Variants in ZNF444 observed in about 807,000 individuals in gnomAD.
The protein encoded by ZNF444 is zinc finger protein 444.
ZNF444 carries 8 observed loss-of-function variants against 14.4 expected under a neutral mutation model. The ratio of observed to expected loss-of-function variants is 0.56; its 90% CI spans 0.33 to 1.00. ZNF444 has a LOEUF of 1.00. ZNF444 is among the 50% of genes least tolerant of loss of function. The pLI, the probability that ZNF444 is intolerant of heterozygous loss-of-function variation, is 0.03. For synonymous variants in ZNF444, 258 were observed against 235.9 expected (o/e 1.09, Z -0.86); for missense variants, 510 against 504.8 (o/e 1.01, Z -0.10).
chr19:56,159,779 T>C lies in ZNF444; in HGVS notation c.562T>C (p.Ser188Pro). 2 of 1,594,776 alleles carry C rather than the reference T, an allele frequency of 1.3e-6. No individual in the cohort carries two copies. The highest frequency in any genetic ancestry group is 1.1e-5 in the South Asian group (1 of 88,916). Reference protein sequence around the residue: ...TTSCPECGKTSLKPAHLLRHR... With the variant: ...TTSCPECGKTPLKPAHLLRHR... Reference sequence around the variant, plus strand: ...GTCCTGCCCCGAGTGCGGCAAAACGTCCCTGAAACCAGCTCACCTGCTGCG... The same window carrying C: ...GTCCTGCCCCGAGTGCGGCAAAACGCCCCTGAAACCAGCTCACCTGCTGCG... The change falls in exon 5 of 5, where the codon TCC becomes CCC. Residue 188 changes from serine to proline, a missense_variant. Coordinates refer to ENST00000337080, the MANE Select transcript of ZNF444 (RefSeq NM_018337.4).
At chr19:56,150,672 G>T (rs1356686632) in intron 3 of ZNF444, among the ~76,000 whole-genome samples, 1 of 152,270 alleles carries the variant, frequency 6.6e-6, no homozygotes, top group East Asian at 1.9e-4. Context: ...TAAAAGTAAA[G>T]AAGAGTAATA....
At chr19:56,159,442 C>G (rs2123569967) in intron 4 of ZNF444, among the ~76,000 whole-genome samples, 182 bp from the exon 5 acceptor site, 1 of 152,298 alleles carries the variant, frequency 6.6e-6, no homozygotes, top group African/African-American at 2.4e-5. Flanking sequence ...TGGGCATTGA[C>G]TGTATGCCAG....
At chr19:56,135,486 AG>A (rs2030589645) in intron 1 of ZNF444, among the ~76,000 whole-genome samples, 2 of 152,054 alleles carry the variant, frequency 1.3e-5, no homozygotes, top group Admixed American at 6.6e-5. Flanking sequence ...CATGCCATGA[AG>A]GATCCAGGTT....
At position 56,133,570 on chromosome 19, in the gene ZNF444, C is replaced by T. The variant is rs571360739; in HGVS notation, c.-197+792C>T. On this transcript the variant is annotated intron_variant, in intron 1 of 2. Transcript: ENST00000587467. ...GCTCACGCCTGTAATCCCAGCACTTCGGGAGGCCGAGATGGGTGGATCACA... is the reference window on the plus strand; with the variant it reads ...GCTCACGCCTGTAATCCCAGCACTTTGGGAGGCCGAGATGGGTGGATCACA... Among the ~76,000 whole-genome samples the T allele has an allele frequency of 8.0e-4, 121 of 151,298 alleles. 1 individual carries two copies. The highest frequency in any genetic ancestry group is 1.4e-3 in the Non-Finnish European group (92 of 67,928).
At chr19:56,146,522 C>G (rs2031190801) in intron 2 of ZNF444, 102 bp downstream of exon 2, 1 of 168,332 alleles carries the variant, frequency 5.9e-6, no homozygotes, top group Non-Finnish European at 1.3e-5. Context: ...GGTGCAGTGG[C>G]TCACGCCTGT....
In ZNF444 at chr19:56,158,540, A is replaced by G. The variant is rs2032048681; in HGVS notation, c.344A>G (p.Gln115Arg). 1.2e-6 allele frequency: 2 copies of G among 1,612,102 alleles called. No homozygotes were observed. The highest frequency in any genetic ancestry group is 4.5e-5 in the East Asian group (2 of 44,610). ...PDGSSATRVP[Q>R]DVTQGPGATG... ...GGGTCGTCAGCAACGAGGGTGCCTC[A>G]GGATGTGACGCAGGGCCCTGGGGCC... The change falls in exon 4 of 5, where the codon CAG (glutamine) becomes CGG (arginine). Residue 115 changes from glutamine to arginine, a missense_variant. Physicochemically the swap from Gln to Arg is conservative, Grantham distance 43 (BLOSUM62 1). Coordinates refer to ENST00000337080, the MANE Select transcript of ZNF444 (RefSeq NM_018337.4).
chr19:56,153,375 C>A (rs573783315), intron 3 of ZNF444, among the ~76,000 whole-genome samples: 93 of 152,258 alleles, frequency 6.1e-4, no homozygotes, highest in African/African-American at 2.2e-3. Context: ...TGATGTGTCC[C>A]TGGAGCTCAG....
upstream of ZNF444, among the ~76,000 whole-genome samples, chr19:56,137,021 A>G (rs1325808815): frequency 1.3e-5 from 2 of 150,924 alleles, no homozygotes; most frequent in Non-Finnish European, 3.0e-5. Flanking sequence ...GACCTCAGGT[A>G]ATCCACCTGC....
At chr19:56,137,649 C>T (rs1407561014), upstream of ZNF444, among the ~76,000 whole-genome samples, 5 of 152,106 alleles carry the variant, frequency 3.3e-5, no homozygotes, top group East Asian at 1.9e-4. Flanking sequence ...CTGTGTGCCC[C>T]GGCTCAGTTC....
At chr19:56,140,735 T>C (rs1002712129), upstream of ZNF444, among the ~76,000 whole-genome samples, 2 of 151,924 alleles carry the variant, frequency 1.3e-5, no homozygotes, top group Non-Finnish European at 2.9e-5. Context: ...CACTCCTGAT[T>C]GGCGCAGAAC....
chr19:56,138,791 A>AATT (rs2030668753), upstream of ZNF444, among the ~76,000 whole-genome samples: 3 of 35,458 alleles, frequency 8.5e-5, no homozygotes, highest in Non-Finnish European at 1.6e-4. Flanking sequence ...GCTTGAATGT[A>AATT]CTTTTTTTTT....
chr19:56,139,647 C>T (rs999618747), upstream of ZNF444, among the ~76,000 whole-genome samples: 1 of 151,030 alleles, frequency 6.6e-6, no homozygotes, highest in Non-Finnish European at 1.5e-5. Context: ...GATCGCACCA[C>T]TGCACTCCAG....
chr19:56,150,371 C>T (rs2031500805), intron 3 of ZNF444: 1 of 268,438 alleles, frequency 3.7e-6, no homozygotes, highest in South Asian at 3.9e-5. Flanking sequence ...GGGAAATCAC[C>T]AGGCTCCAGG....
chr19:56,148,434 A>C (rs2031344498), intron 3 of ZNF444, among the ~76,000 whole-genome samples: 1 of 151,876 alleles, frequency 6.6e-6, no homozygotes, highest in Admixed American at 6.6e-5. Flanking sequence ...GTAGCAGCAG[A>C]GAGGGGGCAT....
chr19:56,140,781 T>C (rs986948004), upstream of ZNF444, among the ~76,000 whole-genome samples: 2 of 152,108 alleles, frequency 1.3e-5, no homozygotes, highest in Non-Finnish European at 2.9e-5. Context: ...CCTCTTCGCT[T>C]GCCAGCTTCT....
upstream of ZNF444, among the ~76,000 whole-genome samples, chr19:56,139,960 T>C (rs1023426601): frequency 6.6e-6 from 1 of 152,090 alleles, no homozygotes; most frequent in Non-Finnish European, 1.5e-5. Flanking sequence ...CAGCGTGCTC[T>C]AGGAGCAGAA....
At chr19:56,138,572 A>C (rs1358971195), upstream of ZNF444, among the ~76,000 whole-genome samples, 1 of 152,148 alleles carries the variant, frequency 6.6e-6, no homozygotes, top group Admixed American at 6.6e-5. Flanking sequence ...AGCAGAAGTC[A>C]CAGTGAGCCA....
In ZNF444 at chr19:56,147,319, C is replaced by G; in HGVS notation, c.297+111C>G. ...AACCCCTGAAAACCAGTGTGACTCG[C>G]GGTGGGGAGGCTGCGGTACAGGCTG... On this transcript the variant is annotated intron_variant, in intron 3 of 4. Coordinates refer to ENST00000337080, the MANE Select transcript of ZNF444 (RefSeq NM_018337.4). This position sits in a 1 kb window ranked among gnomAD's most constrained non-coding sequence, Gnocchi z 5.9. 8.0e-7 allele frequency: 1 copy of G among 1,253,224 alleles called. No homozygotes were observed. The highest frequency in any genetic ancestry group is 1.0e-6 in the Non-Finnish European group (1 of 963,560). The allele number at this position is 1,253,224 out of a possible 1,614,324, so 77.6% of individuals were successfully genotyped here.
At chr19:56,154,698 T>C (rs1599896035) in intron 3 of ZNF444, 1 of 149,640 alleles carries the variant, frequency 6.7e-6, no homozygotes, top group African/African-American at 2.5e-5. Context: ...CCGCAGTGGG[T>C]GGACAGACCT....
Sources: gnomAD v4.1 joint callset for allele counts (sites outside exome capture counted in the v4.1 genomes callset) on GRCh38, gnomAD v4.1.1 for gene constraint, Gnocchi (gnomAD v3.1) non-coding constraint, MANE v1.5 for transcripts, NCBI Gene and HGNC (gene_info 2026-07-23, HGNC 2026-07-21) for gene names.